Variants in RFX3 observed in about 807,000 individuals in gnomAD.
RFX3 encodes regulatory factor X3, also known as transcription factor RFX3.
RFX3 carries 14 observed loss-of-function variants against 98.6 expected under a neutral mutation model. That is an observed-to-expected ratio of 0.14 (90% confidence interval 0.09 to 0.22). The LOEUF is 0.22. RFX3 is among the 10% of genes least tolerant of loss of function. The pLI is 1.00. For missense variants in RFX3, 639 were observed against 926.9 expected (o/e 0.69, Z 4.03); for synonymous variants, 383 against 328.4 (o/e 1.17, Z -1.80).
chr9:3,260,398 C>A lies in RFX3; in HGVS notation c.1605+2537G>T, dbSNP rs193206354. ...TGTTCCCAAGGTTAATGCTTATAAC[C>A]AGGGAAGAACTCATTTGTAGAAATA... On this transcript the variant is annotated intron_variant, in intron 13 of 16. Coordinates refer to ENST00000617270, the MANE Select transcript of RFX3 (RefSeq NM_001282116.2). 5.9e-4 allele frequency among the ~76,000 whole-genome samples: 90 copies of A among 151,902 alleles called. 1 individual carries two copies. In the South Asian group the frequency reaches 0.018, roughly 31 times the overall value.
Position 3,222,139 on chromosome 9 carries a change from G to A in RFX3, c.*2903C>T, listed in dbSNP as rs1367011167. 6.6e-6 allele frequency: 1 copy of A among 152,020 alleles called. No individual in the cohort carries two copies. The highest frequency in any genetic ancestry group is 1.5e-5 in the Non-Finnish European group (1 of 67,940). 9.4% of individuals were successfully genotyped at this position (152,020 alleles called of 1,614,324 possible). On this transcript the variant is annotated 3_prime_UTR_variant, in exon 17 of 17. Transcript: ENST00000617270. ...TATATATTTTTCACAATTCAAATTC[G>A]AAATTGATGAAAATGTTTGTGTGTA...
chr9:3,338,381 A>G (rs1021697421), intron 3 of RFX3, among the ~76,000 whole-genome samples: 3 of 152,238 alleles, frequency 2.0e-5, no homozygotes, highest in African/African-American at 7.2e-5. Context: ...TACTTCTTGT[A>G]ATAACTTACT....
chr9:3,499,061 C>T (rs1049061442), intron 1 of RFX3, among the ~76,000 whole-genome samples: 10 of 152,062 alleles, frequency 6.6e-5, no homozygotes, highest in African/African-American at 2.2e-4. Flanking sequence ...GCTAAACATA[C>T]ACAAATATTC....
intron 2 of RFX3, among the ~76,000 whole-genome samples, chr9:3,360,086 T>C (rs774702422): frequency 6.6e-5 from 10 of 152,160 alleles, no homozygotes; most frequent in Non-Finnish European, 1.5e-4. Context: ...TTTTATTTTC[T>C]ACCCATCTTT....
intron 2 of RFX3, among the ~76,000 whole-genome samples, chr9:3,391,239 G>T (rs1213689200): frequency 6.6e-6 from 1 of 151,926 alleles, no homozygotes. Flanking sequence ...ATTATAGCAT[G>T]AATCTTATCA....
intron 1 of RFX3, among the ~76,000 whole-genome samples, chr9:3,460,401 A>C (rs1176576661): frequency 2.0e-5 from 3 of 152,040 alleles, no homozygotes; most frequent in African/African-American, 7.2e-5. Flanking sequence ...ATAATCTAAT[A>C]TTTTAACAAC....
chr9:3,462,000 T>C (rs1048190244), intron 1 of RFX3, among the ~76,000 whole-genome samples: 1 of 152,010 alleles, frequency 6.6e-6, no homozygotes, highest in Non-Finnish European at 1.5e-5. Flanking sequence ...AAGTGAACTT[T>C]TGTGTTTTCC....
intron 1 of RFX3, among the ~76,000 whole-genome samples, chr9:3,461,818 T>C (rs1178429534): frequency 6.6e-6 from 1 of 152,008 alleles, no homozygotes; most frequent in East Asian, 1.9e-4. Context: ...TATCAATTTT[T>C]ACAAAGGCCT....
intron 4 of RFX3, among the ~76,000 whole-genome samples, chr9:3,315,304 A>G (rs1245766744): frequency 6.6e-6 from 1 of 152,232 alleles, no homozygotes; most frequent in East Asian, 1.9e-4. Context: ...AGGCAGAAAT[A>G]AAGGTATTCT....
chr9:3,516,198 G>A lies in RFX3; in HGVS notation c.-9+9549C>T, dbSNP rs969016906. ...CGAGTAGCTAGGACTACAGGCGCCC[G>A]CCACCACGCCCAGCTAATTTTTTGT... On this transcript the variant is annotated intron_variant, in intron 1 of 16. Coordinates refer to ENST00000617270, the MANE Select transcript of RFX3 (RefSeq NM_001282116.2). Among the ~76,000 whole-genome samples the A allele has an allele frequency of 2.7e-4, 41 of 151,950 alleles. 1 individual carries two copies. The highest frequency in any genetic ancestry group is 4.9e-4 in the Non-Finnish European group (33 of 67,962).
At chr9:3,251,218 A>T (rs1821351420) in intron 14 of RFX3, among the ~76,000 whole-genome samples, 1 of 152,226 alleles carries the variant, frequency 6.6e-6, no homozygotes, top group Non-Finnish European at 1.5e-5. Context: ...GTTAAGAGAA[A>T]AATATAGTTA....
intron 13 of RFX3, among the ~76,000 whole-genome samples, chr9:3,257,897 C>T (rs1822345713): frequency 1.3e-5 from 2 of 152,146 alleles, no homozygotes; most frequent in African/African-American, 4.8e-5. Context: ...TTGCAATTTT[C>T]CTTCTGGTTC....
At chr9:3,506,696 A>G (rs1407748394) in intron 1 of RFX3, among the ~76,000 whole-genome samples, 1 of 151,866 alleles carries the variant, frequency 6.6e-6, no homozygotes, top group African/African-American at 2.4e-5. Context: ...AGAATTTCAC[A>G]TATAGAGAAA....
At chr9:3,237,013 A>G (rs1296711849) in intron 15 of RFX3, among the ~76,000 whole-genome samples, 1 of 152,188 alleles carries the variant, frequency 6.6e-6, no homozygotes, top group East Asian at 1.9e-4. Flanking sequence ...CTGGAATAAG[A>G]TATCTCTTTG....
intron 1 of RFX3, among the ~76,000 whole-genome samples, chr9:3,448,863 T>C (rs1846298990): frequency 6.6e-6 from 1 of 152,196 alleles, no homozygotes; most frequent in African/African-American, 2.4e-5. Context: ...TAAATCTAAA[T>C]GTAACAATTT....
intron 1 of RFX3, among the ~76,000 whole-genome samples, chr9:3,510,268 A>G (rs1382845324): frequency 6.6e-6 from 1 of 151,914 alleles, no homozygotes. Flanking sequence ...TCCAGACCCA[A>G]AAGTTTAGCT....
chr9:3,300,798 A>G (rs1828558200), intron 5 of RFX3, among the ~76,000 whole-genome samples: 1 of 151,902 alleles, frequency 6.6e-6, no homozygotes, highest in Non-Finnish European at 1.5e-5. Context: ...ATTTTTATTC[A>G]GCATTTTCAT....
At chr9:3,295,822 G>A (rs1025629128) in intron 5 of RFX3, among the ~76,000 whole-genome samples, 1 of 151,720 alleles carries the variant, frequency 6.6e-6, no homozygotes, top group African/African-American at 2.4e-5. Context: ...TAAAGAAATG[G>A]AATTAGTCAA....
intron 1 of RFX3, among the ~76,000 whole-genome samples, chr9:3,437,259 C>T (rs1845213526): frequency 6.6e-6 from 1 of 152,014 alleles, no homozygotes; most frequent in Non-Finnish European, 1.5e-5. Flanking sequence ...AGACTATAGG[C>T]TCCACTGTAC....
Sources: allele counts gnomAD v4.1 joint callset (sites outside exome capture counted in the v4.1 genomes callset), GRCh38; gene constraint gnomAD v4.1.1; transcripts MANE v1.5; gene names NCBI Gene and HGNC (gene_info 2026-07-23, HGNC 2026-07-21).